The following ARMC2 variants were observed in gnomAD, a reference collection of about 807,000 sequenced individuals.
ARMC2 encodes armadillo repeat-containing protein 2.
In ARMC2, 67 loss-of-function variants were observed where a neutral mutation model predicts 90.3. The observed-to-expected ratio is 0.74, with a 90% CI of 0.61 to 0.91. The LOEUF is 0.91. ARMC2 is among the 40% of genes least tolerant of loss of function. ARMC2 has a pLI of 0.00. For missense variants in ARMC2, 920 were observed against 1,030.9 expected (o/e 0.89, Z 1.47); for synonymous variants, 393 against 393.0 (o/e 1.00, Z 0.00).
chr6:108,886,807 C>T (rs1770402224), intron 5 of ARMC2, among the ~76,000 whole-genome samples: 1 of 152,042 alleles, frequency 6.6e-6, no homozygotes, highest in Non-Finnish European at 1.5e-5. Flanking sequence ...AAAAAGCTTG[C>T]TGACCTCTGA....
At chr6:109,052,503 CAT>C in the ARMC2 span, among the ~76,000 whole-genome samples, 1 of 152,132 alleles carries the variant, frequency 6.6e-6, no homozygotes, top group Non-Finnish European at 1.5e-5. Flanking sequence ...TGAGATCAAA[CAT>C]TACTTAAAAT....
rs1190061315 is a variant in ARMC2, at chr6:108,965,105, C to T, written c.2411C>T (p.Thr804Ile). 2.5e-6 allele frequency: 4 copies of T among 1,613,224 alleles called. No individual in the cohort carries two copies. The highest frequency in any genetic ancestry group is 3.4e-6 in the Non-Finnish European group (4 of 1,179,390). ...NASSCFGNED[T>I]NTLLLLLSSF... ...TCGTCATGTTTTGGAAATGAAGACA[C>T]CAACACACTCTTACTCTTGCTCTCA... is the stretch of plus-strand genomic sequence containing the variant. The change falls in exon 17 of 18, where the codon ACC becomes ATC. Residue 804 changes from threonine to isoleucine, a missense_variant. Coordinates refer to ENST00000392644, the MANE Select transcript of ARMC2 (RefSeq NM_032131.6).
chr6:108,915,238 G>C (rs991645801), intron 10 of ARMC2, among the ~76,000 whole-genome samples: 1 of 152,132 alleles, frequency 6.6e-6, no homozygotes, highest in Non-Finnish European at 1.5e-5. Flanking sequence ...TTATAGGTGT[G>C]AGTTACTGTG....
At chr6:108,926,449 G>T (rs534658184) in intron 10 of ARMC2, among the ~76,000 whole-genome samples, 2 of 152,356 alleles carry the variant, frequency 1.3e-5, no homozygotes, top group African/African-American at 2.4e-5. Flanking sequence ...TCCTGGCTGG[G>T]CGCAGTGGCT....
chr6:109,027,995 T>G, the ARMC2 span, among the ~76,000 whole-genome samples: 4 of 152,090 alleles, frequency 2.6e-5, no homozygotes, highest in Non-Finnish European at 4.4e-5. Context: ...TAAATTTTAT[T>G]TCAGTCTGTG....
At chr6:108,987,865 C>T in the ARMC2 span, among the ~76,000 whole-genome samples, 2 of 147,940 alleles carry the variant, frequency 1.4e-5, no homozygotes, top group East Asian at 3.9e-4. Context: ...TGCAGTGGCA[C>T]GATCTTGGCT....
chr6:108,953,590 C>T (rs1777359934), intron 13 of ARMC2, among the ~76,000 whole-genome samples: 1 of 152,154 alleles, frequency 6.6e-6, no homozygotes, highest in South Asian at 2.1e-4. Flanking sequence ...CCCACCAAAT[C>T]GTACACTTTA....
At chr6:108,858,679 A>G (rs543769786) in intron 3 of ARMC2, among the ~76,000 whole-genome samples, 182 of 151,492 alleles carry the variant, frequency 1.2e-3, no homozygotes, top group South Asian at 0.011. Context: ...CTCTCTATAT[A>G]TACATTTACA....
At chr6:109,040,374 G>A in the ARMC2 span, among the ~76,000 whole-genome samples, 1 of 152,172 alleles carries the variant, frequency 6.6e-6, no homozygotes, top group Non-Finnish European at 1.5e-5. Flanking sequence ...TGGGGTTGAA[G>A]AAGGATTAAA....
At chr6:108,850,750 T>G (rs1002817846) in intron 1 of ARMC2, among the ~76,000 whole-genome samples, 1 of 152,202 alleles carries the variant, frequency 6.6e-6, no homozygotes, top group Non-Finnish European at 1.5e-5. Flanking sequence ...GTCTAGTGAT[T>G]ACGTAAGTGT....
At chr6:108,877,037 G>A (rs994399892) in intron 5 of ARMC2, among the ~76,000 whole-genome samples, 1 of 152,190 alleles carries the variant, frequency 6.6e-6, no homozygotes, top group South Asian at 2.1e-4. Context: ...TGGCTGGAAT[G>A]GGGGAAACAG....
At chr6:108,876,387 A>C in intron 5 of ARMC2, 37 bp downstream of exon 5, 1 of 1,567,722 alleles carries the variant, frequency 6.4e-7, no homozygotes, top group Non-Finnish European at 8.7e-7. Flanking sequence ...TGGTCAGGAT[A>C]ATGGTATCAT....
chr6:108,916,523 C>T (rs1167174619), intron 10 of ARMC2, among the ~76,000 whole-genome samples: 4 of 152,116 alleles, frequency 2.6e-5, no homozygotes, highest in South Asian at 2.1e-4. Flanking sequence ...TCTGTAAAGT[C>T]GTAAGAGTAA....
At chr6:108,933,466 C>T (rs1384467878) in intron 11 of ARMC2, among the ~76,000 whole-genome samples, 1 of 152,126 alleles carries the variant, frequency 6.6e-6, no homozygotes, top group African/African-American at 2.4e-5. Context: ...AGGTTTTGGG[C>T]TGAGACTGTG....
chr6:108,926,030 A>C (rs1775075497), intron 10 of ARMC2, among the ~76,000 whole-genome samples: 1 of 152,172 alleles, frequency 6.6e-6, no homozygotes, highest in Non-Finnish European at 1.5e-5. Flanking sequence ...ATTGAGATTG[A>C]AACAAGAAAA....
intron 6 of ARMC2, among the ~76,000 whole-genome samples, chr6:108,896,263 C>G (rs1771606645): frequency 6.6e-6 from 1 of 152,106 alleles, no homozygotes; most frequent in East Asian, 1.9e-4. Context: ...GCAAAATCTT[C>G]AAAAACATGC....
At chr6:109,046,218 C>G in the ARMC2 span, among the ~76,000 whole-genome samples, 2 of 146,102 alleles carry the variant, frequency 1.4e-5, no homozygotes, top group Non-Finnish European at 3.0e-5. Context: ...CTCAGCCTGC[C>G]GAGTGCCTGC....
intron 3 of ARMC2, among the ~76,000 whole-genome samples, chr6:108,860,366 C>T (rs1775098533): frequency 6.6e-6 from 1 of 151,896 alleles, no homozygotes. Context: ...TTTGGCTGTT[C>T]TTAAGAGTAG....
At chr6:108,909,338 A>G (rs1324807931) in intron 8 of ARMC2, among the ~76,000 whole-genome samples, 2 of 152,096 alleles carry the variant, frequency 1.3e-5, no homozygotes, top group South Asian at 4.1e-4. Flanking sequence ...TTAATAAACT[A>G]TTCCCTAATA....
Sources: allele counts gnomAD v4.1 joint callset (sites outside exome capture counted in the v4.1 genomes callset), GRCh38; gene constraint gnomAD v4.1.1; transcripts MANE v1.5; gene names NCBI Gene and HGNC (gene_info 2026-07-23, HGNC 2026-07-21).